The following RABGAP1L variants were observed in gnomAD, a reference collection of about 807,000 sequenced individuals.
RABGAP1L encodes the protein RAB GTPase activating protein 1 like, also known as rab GTPase-activating protein 1-like.
RABGAP1L carries 63 observed loss-of-function variants against 137.7 expected under a neutral mutation model. That is an observed-to-expected ratio of 0.46 (90% CI 0.37 to 0.56). RABGAP1L has a LOEUF of 0.56. Among genes scored for constraint, RABGAP1L ranks in the 20% least tolerant of loss-of-function variants. The pLI, the probability that RABGAP1L is intolerant of heterozygous loss-of-function variation, is 0.00. For missense variants in RABGAP1L, 1,095 were observed against 1,244.0 expected (o/e 0.88, Z 1.80); for synonymous variants, 431 against 433.7 (o/e 0.99, Z 0.08).
At chr1:174,366,139 T>G (rs1254352741) in intron 11 of RABGAP1L, among the ~76,000 whole-genome samples, 2 of 152,188 alleles carry the variant, frequency 1.3e-5, no homozygotes, top group African/African-American at 4.8e-5. Context: ...TGGCTATTAA[T>G]TTTACTATCA....
chr1:174,438,744 G>GTATATATATATATATATATATATA (rs71117563), intron 13 of RABGAP1L, among the ~76,000 whole-genome samples: 24 of 95,454 alleles, frequency 2.5e-4, no homozygotes, highest in African/African-American at 5.7e-4. Context: ...GTGTGTGTGT[G>GTATATATATATATATATATATATA]TATATATATA....
At chr1:174,715,016 T>C (rs532733587) in intron 17 of RABGAP1L, among the ~76,000 whole-genome samples, 1 of 152,310 alleles carries the variant, frequency 6.6e-6, no homozygotes, top group South Asian at 2.1e-4. Flanking sequence ...ATAGTTTTAA[T>C]ATAGGGCGTA....
chr1:174,877,725 C>G, intron 19 of RABGAP1L: 1 of 993,342 alleles, frequency 1.0e-6, no homozygotes, highest in East Asian at 2.6e-5. Flanking sequence ...TACAGGTTTT[C>G]AAAGATTTAT....
At chr1:174,777,318 A>T (rs1686602280) in intron 18 of RABGAP1L, among the ~76,000 whole-genome samples, 1 of 152,128 alleles carries the variant, frequency 6.6e-6, no homozygotes, top group African/African-American at 2.4e-5. Flanking sequence ...AGTATTTCTC[A>T]TGCTCAGAAC....
chr1:174,982,942 C>T, intron 24 of RABGAP1L, 37 bp downstream of exon 24: 2 of 1,542,668 alleles, frequency 1.3e-6, no homozygotes, highest in Non-Finnish European at 8.8e-7. Flanking sequence ...AAATTTATTT[C>T]AAAGTCACAC....
intron 13 of RABGAP1L, among the ~76,000 whole-genome samples, chr1:174,550,503 CG>C (rs1666347462): frequency 6.6e-6 from 1 of 152,050 alleles, no homozygotes; most frequent in African/African-American, 2.4e-5. Flanking sequence ...AGTCAGCCAG[CG>C]ACTACTCTTG....
chr1:174,827,167 C>T (rs771050181), intron 19 of RABGAP1L, among the ~76,000 whole-genome samples: 1 of 152,050 alleles, frequency 6.6e-6, no homozygotes, highest in African/African-American at 2.4e-5. Flanking sequence ...GGTGTCTCAC[C>T]ATGTTGCCCA....
At position 174,275,952 on chromosome 1, in the gene RABGAP1L, G is replaced by T. The variant is rs1674961859; in HGVS notation, c.1156+17G>T. 2.5e-6 allele frequency: 4 copies of T among 1,584,158 alleles called. No individual in the cohort carries two copies. The Admixed American group carries it at 5.1e-5, about 20-fold the overall frequency. On this transcript the variant is annotated intron_variant, in intron 9 of 25. Coordinates refer to ENST00000681986, the MANE Select transcript of RABGAP1L (RefSeq NM_001366446.1). ...CCCCAAAAGGTGACTTTTCTTAAAA[G>T]ATCCCTTATTGTTTGCTTTACATTT...
At chr1:174,727,041 C>G (rs1045754126) in intron 17 of RABGAP1L, among the ~76,000 whole-genome samples, 6 of 152,100 alleles carry the variant, frequency 3.9e-5, no homozygotes, top group African/African-American at 1.4e-4. Flanking sequence ...TTGTAAGCTT[C>G]TGCTTACAGT....
intron 13 of RABGAP1L, among the ~76,000 whole-genome samples, chr1:174,440,573 A>AT (rs1214856616): frequency 6.6e-6 from 1 of 151,952 alleles, no homozygotes; most frequent in Non-Finnish European, 1.5e-5. Context: ...CTATTTGTTT[A>AT]TTTTTTTATT....
intron 13 of RABGAP1L, among the ~76,000 whole-genome samples, chr1:174,542,466 T>A (rs1373782801): frequency 6.6e-6 from 1 of 152,228 alleles, no homozygotes; most frequent in Admixed American, 6.5e-5. Context: ...TTATTGCATC[T>A]ATTTGATTCT....
intron 18 of RABGAP1L, among the ~76,000 whole-genome samples, chr1:174,760,261 G>A (rs1237297967): frequency 1.3e-5 from 2 of 152,010 alleles, no homozygotes; most frequent in African/African-American, 4.8e-5. Flanking sequence ...TGGGGGTTTG[G>A]TATACAGATT....
chr1:174,921,536 C>T (rs1452785442), intron 19 of RABGAP1L, among the ~76,000 whole-genome samples: 1 of 152,192 alleles, frequency 6.6e-6, no homozygotes, highest in African/African-American at 2.4e-5. Context: ...GAGTTCTTCC[C>T]TCTTTTGAGA....
intron 15 of RABGAP1L, among the ~76,000 whole-genome samples, chr1:174,690,155 A>G (rs1572821210): frequency 1.3e-5 from 2 of 152,208 alleles, no homozygotes; most frequent in East Asian, 3.8e-4. Flanking sequence ...GAACTCTTTC[A>G]AAGGATACTG....
chr1:174,843,436 T>C (rs11582205), intron 19 of RABGAP1L, among the ~76,000 whole-genome samples: 61,193 of 147,470 alleles, frequency 0.41, 14,857 homozygotes, highest in Non-Finnish European at 0.54. Context: ...GTCCATGTGA[T>C]CTCATTGTTC....
chr1:174,946,940 ATGTGTGTGTGTG>A (rs755558389), intron 19 of RABGAP1L, among the ~76,000 whole-genome samples: 33 of 60,950 alleles, frequency 5.4e-4, no homozygotes, highest in East Asian at 5.3e-3. Flanking sequence ...ATATATATAT[ATGTGTGTGTGTG>A]TGTGTGTGTG....
At chr1:174,645,318 A>G (rs1217078058) in intron 14 of RABGAP1L, among the ~76,000 whole-genome samples, 1 of 152,048 alleles carries the variant, frequency 6.6e-6, no homozygotes, top group Non-Finnish European at 1.5e-5. Flanking sequence ...TAGATGTGCC[A>G]TGGTTGTTTG....
At chr1:174,332,675 C>A (rs1162264476) in intron 11 of RABGAP1L, among the ~76,000 whole-genome samples, 1 of 152,092 alleles carries the variant, frequency 6.6e-6, no homozygotes, top group Non-Finnish European at 1.5e-5. Context: ...GGATTACAGG[C>A]ATGAGCCACC....
intron 4 of RABGAP1L, among the ~76,000 whole-genome samples, chr1:174,232,337 T>C (rs1014186501): frequency 4.0e-5 from 6 of 150,540 alleles, no homozygotes; most frequent in African/African-American, 1.5e-4. Context: ...ATACAAAAAT[T>C]TGCCACGTGT....
Sources: gnomAD v4.1 joint callset for allele counts (sites outside exome capture counted in the v4.1 genomes callset) on GRCh38, gnomAD v4.1.1 for gene constraint, MANE v1.5 for transcripts, NCBI Gene and HGNC (gene_info 2026-07-23, HGNC 2026-07-21) for gene names.